The following SEPTIN11 variants were observed in gnomAD, a reference collection of about 807,000 sequenced individuals.
The protein encoded by SEPTIN11 is septin 11.
SEPTIN11 carries 25 observed loss-of-function variants against 51.4 expected under a neutral mutation model. The observed-to-expected ratio is 0.49, with a 90% CI of 0.35 to 0.68. The LOEUF (loss-of-function observed/expected upper bound fraction) is 0.68. Among genes scored for constraint, SEPTIN11 ranks in the 30% least tolerant of loss-of-function variants. The probability of loss-of-function intolerance (pLI) is 0.00; values close to 1 mark genes in which losing one functional copy is unlikely to be tolerated. For synonymous variants in SEPTIN11, 174 were observed against 184.1 expected, an observed-to-expected ratio of 0.95 and a Z score of 0.44; for missense variants, 381 against 520.8, an observed-to-expected ratio of 0.73 and a Z score of 2.61.
At chr4:77,001,253 A>G (rs1338407347) in intron 2 of SEPTIN11, among the ~76,000 whole-genome samples, 1 of 152,208 alleles carries the variant, frequency 6.6e-6, no homozygotes, top group East Asian at 1.9e-4. Flanking sequence ...AGGCAGATGA[A>G]TTTATGATAA....
chr4:77,035,483 T>A lies in SEPTIN11; in HGVS notation c.*971T>A, dbSNP rs1726963045. ...TCCACAGATACTTCCCTTAGAAAAT[T>A]TGCTATAAACTCTGTATCATTGGTA... On this transcript the variant is annotated 3_prime_UTR_variant, in exon 10 of 10. Coordinates refer to ENST00000264893, the MANE Select transcript of SEPTIN11 (RefSeq NM_018243.4). 2.0e-6 allele frequency: 2 copies of A among 985,290 alleles called. No individual in the cohort carries two copies. The highest frequency in any genetic ancestry group is 9.4e-5 in the South Asian group (2 of 21,286). The allele number at this position is 985,290 out of a possible 1,614,324, so 61.0% of individuals were successfully genotyped here.
chr4:77,022,966 G>T (rs896603967), intron 7 of SEPTIN11, among the ~76,000 whole-genome samples: 1 of 152,092 alleles, frequency 6.6e-6, no homozygotes, highest in Non-Finnish European at 1.5e-5. Flanking sequence ...TGCTGCAGAC[G>T]CACAGCCTGC....
chr4:77,012,702 A>G (rs1406442581), intron 4 of SEPTIN11, among the ~76,000 whole-genome samples: 2 of 152,226 alleles, frequency 1.3e-5, no homozygotes, highest in African/African-American at 2.4e-5. Context: ...ACACTGATAA[A>G]GATGCTGTCT....
Position 77,035,847 on chromosome 4 carries a change from T to C in SEPTIN11, c.*1335T>C. 2 of 985,886 alleles carry C rather than the reference T, an allele frequency of 2.0e-6. No individual in the cohort carries two copies. Among genetic ancestry groups the C allele is most frequent in the Non-Finnish European group, 2.4e-6 (2 of 829,966 alleles). 61.1% of individuals were successfully genotyped at this position (985,886 alleles called of 1,614,324 possible). On this transcript the variant is annotated 3_prime_UTR_variant, in exon 10 of 10. Coordinates refer to ENST00000264893, the MANE Select transcript of SEPTIN11 (RefSeq NM_018243.4). ...TTCTATACTGCTCCTTTCTGATGCT[T>C]ATCCTTTCATCTGTGTGATTGTTTT...
rs1375044162 is a variant in SEPTIN11, at chr4:77,016,633, C to CACATATATATATATATATATATATAT, written c.687+1617_687+1618insCATATATATATATATATATATATATA. 6.3e-4 allele frequency among the ~76,000 whole-genome samples: 46 copies of CACATATATATATATATATATATATAT among 72,734 alleles called. 1 individual carries two copies. The highest frequency in any genetic ancestry group is 3.0e-3 in the South Asian group (7 of 2,344). The allele number at this position is 72,734 out of a possible 152,430, so 47.7% of individuals were successfully genotyped here. A position where few individuals can be genotyped will look rare whatever the true frequency, so the allele number is the denominator to read the frequency against. On this transcript the variant is annotated intron_variant, in intron 5 of 9. Coordinates refer to ENST00000264893, the MANE Select transcript of SEPTIN11 (RefSeq NM_018243.4). ...ATATACACATATATATATATATACACATATATATATATATATATATATACA... is the reference window on the plus strand; with the variant it reads ...ATATACACATATATATATATATACACACATATATATATATATATATATATATATATATATATATATATATATATACA...
chr4:77,032,060 G>C (rs775313484), intron 9 of SEPTIN11: 1 of 152,208 alleles, frequency 6.6e-6, no homozygotes, highest in Non-Finnish European at 1.5e-5. Context: ...AGTGAGCACA[G>C]TGCTATTGTC....
chr4:76,988,776 G>T (rs1246226303), intron 1 of SEPTIN11, among the ~76,000 whole-genome samples: 1 of 152,212 alleles, frequency 6.6e-6, no homozygotes. Flanking sequence ...CAGGGCATTT[G>T]TAAACAGTGG....
chr4:76,989,615 TAAAA>T (rs1723242869), intron 1 of SEPTIN11, among the ~76,000 whole-genome samples: 2 of 152,232 alleles, frequency 1.3e-5, no homozygotes, highest in African/African-American at 4.8e-5. Flanking sequence ...AGGGCTGGAT[TAAAA>T]TACAGTCATG....
intron 1 of SEPTIN11, among the ~76,000 whole-genome samples, chr4:76,982,725 C>G (rs890562248): frequency 6.6e-6 from 1 of 152,080 alleles, no homozygotes; most frequent in Non-Finnish European, 1.5e-5. Flanking sequence ...TTTGTATTTC[C>G]TAGAATTCTT....
At chr4:76,982,934 T>G (rs948864455) in intron 1 of SEPTIN11, among the ~76,000 whole-genome samples, 1 of 152,134 alleles carries the variant, frequency 6.6e-6, no homozygotes, top group Non-Finnish European at 1.5e-5. Context: ...GTGTGTTTTT[T>G]TTGTTGTTTT....
chr4:76,950,800 T>C (rs1472292463), intron 1 of SEPTIN11, among the ~76,000 whole-genome samples: 2 of 151,726 alleles, frequency 1.3e-5, no homozygotes, highest in Admixed American at 6.5e-5. Flanking sequence ...CAGTGGCCGC[T>C]CCGCATCCCC....
rs944819682 is a variant in SEPTIN11 at position 76,949,783 on chromosome 4, C to G, written c.-121C>G. 7.6e-5 allele frequency: 84 copies of G among 1,103,964 alleles called. No homozygotes were observed. Among genetic ancestry groups the G allele is most frequent in the Non-Finnish European group, 1.0e-4 (79 of 793,730 alleles). 68.4% of individuals were successfully genotyped at this position (1,103,964 alleles called of 1,614,324 possible). A position where few individuals can be genotyped will look rare whatever the true frequency, so the allele number is the denominator to read the frequency against. ...ATGCCGCTGGCTGCCAGCGGGACGC[C>G]GGCGAGCAGAGCGCAGCCGCGAGGG... On this transcript the variant is annotated 5_prime_UTR_variant, in exon 1 of 10. Coordinates refer to ENST00000264893, the MANE Select transcript of SEPTIN11 (RefSeq NM_018243.4).
intron 1 of SEPTIN11, among the ~76,000 whole-genome samples, chr4:76,957,414 A>G (rs1436152728): frequency 1.3e-5 from 2 of 152,126 alleles, no homozygotes; most frequent in Non-Finnish European, 2.9e-5. Flanking sequence ...CTCCGGTTCT[A>G]GAGTATCGGT....
At position 77,037,111 on chromosome 4, in the gene SEPTIN11, C is replaced by A; in HGVS notation, c.*2599C>A. 1 of 1,032,250 alleles carries A rather than the reference C, an allele frequency of 9.7e-7. No individual in the cohort carries two copies. The allele number at this position is 1,032,250 out of a possible 1,614,324, so 63.9% of individuals were successfully genotyped here. A position where few individuals can be genotyped will look rare whatever the true frequency, so the allele number is the denominator to read the frequency against. ...GTGTGGTGGCTCATGCCTGTAATCC[C>A]AGCACTTTGAGAGGCCGAGGTGGGC... On this transcript the variant is annotated 3_prime_UTR_variant, in exon 10 of 10. Coordinates refer to ENST00000264893, the MANE Select transcript of SEPTIN11 (RefSeq NM_018243.4).
chr4:77,028,377 T>C (rs1726336505), intron 7 of SEPTIN11, among the ~76,000 whole-genome samples: 1 of 152,254 alleles, frequency 6.6e-6, no homozygotes, highest in Non-Finnish European at 1.5e-5. Context: ...ATATGTAAGA[T>C]AAAACTTGGC....
intron 1 of SEPTIN11, among the ~76,000 whole-genome samples, chr4:76,963,649 A>T (rs1442287046): frequency 1.3e-5 from 2 of 152,206 alleles, no homozygotes; most frequent in Non-Finnish European, 2.9e-5. Flanking sequence ...TAGCTGTACA[A>T]CTAAAATTTT....
intron 1 of SEPTIN11, among the ~76,000 whole-genome samples, chr4:76,988,786 G>A (rs534105928): frequency 1.3e-5 from 2 of 152,292 alleles, no homozygotes; most frequent in South Asian, 4.2e-4. Context: ...GTAAACAGTG[G>A]GTACATAACT....
chr4:77,014,438 C>T (rs1725074288), intron 4 of SEPTIN11, among the ~76,000 whole-genome samples: 1 of 152,056 alleles, frequency 6.6e-6, no homozygotes, highest in African/African-American at 2.4e-5. Flanking sequence ...GTTGGTCATT[C>T]AAAGAATAAG....
intron 2 of SEPTIN11, among the ~76,000 whole-genome samples, chr4:76,997,597 C>CTTAA (rs1049810349): frequency 1.3e-5 from 2 of 152,170 alleles, no homozygotes; most frequent in Non-Finnish European, 2.9e-5. Flanking sequence ...GGCATTGTAT[C>CTTAA]TTAAGCACTG....
Sources: gnomAD v4.1 joint callset for allele counts (sites outside exome capture counted in the v4.1 genomes callset) on GRCh38, gnomAD v4.1.1 for gene constraint, MANE v1.5 for transcripts, NCBI Gene and HGNC (gene_info 2026-07-23, HGNC 2026-07-21) for gene names.